The following KIF16B variants were observed in gnomAD, a reference collection of about 807,000 sequenced individuals.
The protein encoded by KIF16B is kinesin-like protein KIF16B.
KIF16B carries 98 observed loss-of-function variants against 156.3 expected under a neutral mutation model. The observed-to-expected ratio is 0.63, with a 90% CI of 0.53 to 0.74. The LOEUF (loss-of-function observed/expected upper bound fraction) is 0.74, where lower values mean the gene tolerates loss of function less well. Among genes scored for constraint, KIF16B ranks in the 30% least tolerant of loss-of-function variants. The probability of loss-of-function intolerance (pLI) is 0.00; values close to 1 mark genes in which losing one functional copy is unlikely to be tolerated. For missense variants in KIF16B, 1,421 were observed against 1,606.5 expected (o/e 0.88, Z 1.97); for synonymous variants, 564 against 583.7 (o/e 0.97, Z 0.49).
At chr20:16,382,091 T>A (rs753901368) in intron 17 of KIF16B, 6 of 1,348,758 alleles carry the variant, frequency 4.4e-6, no homozygotes, top group Non-Finnish European at 5.9e-6. Context: ...AAATGGAGAA[T>A]CTCTACCTTA....
intron 12 of KIF16B, among the ~76,000 whole-genome samples, chr20:16,478,505 C>G (rs1568582490): frequency 6.6e-6 from 1 of 152,138 alleles, no homozygotes; most frequent in Non-Finnish European, 1.5e-5. Flanking sequence ...ATGGAAAATT[C>G]TAGGCAGAAA....
rs761718164 is a variant in KIF16B, at chr20:16,379,211, G to T, written c.2791C>A (p.Leu931Ile). Residue 931 changes from leucine (L) to isoleucine (I), a missense_variant, in exon 19 of 26, where the codon CTT becomes ATT. Coordinates refer to ENST00000354981, the MANE Select transcript of KIF16B (RefSeq NM_024704.5). ...LEEKQRAFEI[L>I]DRGPLSLDNT... Reference sequence around the variant, plus strand: ...TCTAAGCTGAGAGGGCCTCTGTCAAGAATTTCAAATGCTCTCTGCTTTTCT... The same window carrying T: ...TCTAAGCTGAGAGGGCCTCTGTCAATAATTTCAAATGCTCTCTGCTTTTCT... 1.5e-5 allele frequency: 25 copies of T among 1,614,046 alleles called. No homozygotes were observed. The highest frequency in any genetic ancestry group is 1.9e-5 in the Non-Finnish European group (23 of 1,180,028).
chr20:16,500,537 A>G (rs1479249610), intron 10 of KIF16B, among the ~76,000 whole-genome samples: 1 of 152,148 alleles, frequency 6.6e-6, no homozygotes, highest in Non-Finnish European at 1.5e-5. Flanking sequence ...TCTGTGACAA[A>G]TGTGTGTGGC....
At chr20:16,331,458 C>A (rs2063947069) in intron 24 of KIF16B, among the ~76,000 whole-genome samples, 1 of 152,214 alleles carries the variant, frequency 6.6e-6, no homozygotes, top group Non-Finnish European at 1.5e-5. Flanking sequence ...TCTTGGCAAG[C>A]ATATTCCTAA....
intron 2 of KIF16B, 62 bp downstream of exon 2, chr20:16,528,309 A>G (rs927494710): frequency 8.8e-6 from 11 of 1,250,858 alleles, no homozygotes; most frequent in Non-Finnish European, 1.2e-5. Flanking sequence ...CTCATTAGTC[A>G]TCCCCACAGT....
intron 1 of KIF16B, among the ~76,000 whole-genome samples, chr20:16,546,297 T>C (rs888903876): frequency 4.6e-5 from 7 of 152,188 alleles, no homozygotes; most frequent in Non-Finnish European, 1.0e-4. Flanking sequence ...GATGTACAAT[T>C]TTTTGCTGAA....
intron 1 of KIF16B, among the ~76,000 whole-genome samples, chr20:16,572,323 A>C (rs971129310): frequency 2.6e-5 from 4 of 152,220 alleles, no homozygotes; most frequent in Admixed American, 6.5e-5. Context: ...ATTAACCTCC[A>C]CAAGTTGATA....
chr20:16,348,509 T>G (rs915579722), intron 23 of KIF16B, among the ~76,000 whole-genome samples: 1 of 152,200 alleles, frequency 6.6e-6, no homozygotes, highest in Non-Finnish European at 1.5e-5. Flanking sequence ...GTTAGCTTCT[T>G]TCCTTGAAGA....
intron 12 of KIF16B, among the ~76,000 whole-genome samples, chr20:16,460,573 A>C (rs1319954967): frequency 1.3e-5 from 2 of 152,160 alleles, no homozygotes; most frequent in African/African-American, 2.4e-5. Context: ...AAAAAAAAAA[A>C]ATATTCGCAA....
intron 12 of KIF16B, among the ~76,000 whole-genome samples, chr20:16,462,485 T>G (rs917021328): frequency 1.1e-4 from 16 of 152,128 alleles, no homozygotes; most frequent in African/African-American, 3.9e-4. Flanking sequence ...AGACCTATGA[T>G]AGGACTTCTT....
intron 25 of KIF16B, among the ~76,000 whole-genome samples, chr20:16,282,990 C>T (rs918895772): frequency 6.6e-6 from 1 of 152,180 alleles, no homozygotes; most frequent in African/African-American, 2.4e-5. Context: ...CTTGAAACCA[C>T]CATAAAACGT....
chr20:16,299,192 T>C (rs1397840996), intron 25 of KIF16B, among the ~76,000 whole-genome samples: 2 of 152,098 alleles, frequency 1.3e-5, no homozygotes, highest in African/African-American at 4.8e-5. Context: ...ATATGATGCC[T>C]GATATTTGCT....
At chr20:16,338,217 A>C (rs1477746745) in intron 23 of KIF16B, among the ~76,000 whole-genome samples, 1 of 152,048 alleles carries the variant, frequency 6.6e-6, no homozygotes, top group East Asian at 1.9e-4. Context: ...TCCAGCCGGG[A>C]CTGTCTTCTC....
intron 5 of KIF16B, among the ~76,000 whole-genome samples, chr20:16,512,039 C>T (rs1233287374): frequency 1.3e-5 from 2 of 151,910 alleles, no homozygotes. Flanking sequence ...CCCAGCTACT[C>T]AGGAGGCTGA....
At chr20:16,541,789 C>T (rs563070889) in intron 1 of KIF16B, among the ~76,000 whole-genome samples, 11 of 152,348 alleles carry the variant, frequency 7.2e-5, no homozygotes, top group South Asian at 6.2e-4. Flanking sequence ...AGCACCGACC[C>T]ATGGACAGCC....
intron 22 of KIF16B, chr20:16,367,389 A>C (rs1209510322): frequency 6.2e-6 from 10 of 1,612,902 alleles, no homozygotes; most frequent in South Asian, 1.1e-5. Context: ...GAACAACAAC[A>C]CACCTGAATT....
At chr20:16,513,009 G>A (rs2069007889) in intron 4 of KIF16B, 86 bp from the exon 5 acceptor site, 2 of 939,434 alleles carry the variant, frequency 2.1e-6, no homozygotes, top group South Asian at 2.8e-5. Flanking sequence ...CATGAAGTTA[G>A]ACTCAAGTGA....
intron 19 of KIF16B, among the ~76,000 whole-genome samples, chr20:16,377,844 G>C (rs754991338): frequency 2.6e-5 from 4 of 152,060 alleles, no homozygotes; most frequent in East Asian, 3.9e-4. Flanking sequence ...CTTATGGTCT[G>C]GTAAGTATGG....
At chr20:16,302,989 A>G (rs1005839387) in intron 25 of KIF16B, among the ~76,000 whole-genome samples, 3 of 152,026 alleles carry the variant, frequency 2.0e-5, no homozygotes, top group Admixed American at 6.6e-5. Flanking sequence ...ATCAGTATAT[A>G]TTTTTTCTTG....
Sources: allele counts gnomAD v4.1 joint callset (sites outside exome capture counted in the v4.1 genomes callset), GRCh38; gene constraint gnomAD v4.1.1; transcripts MANE v1.5; gene names NCBI Gene and HGNC (gene_info 2026-07-23, HGNC 2026-07-21).